STK32B: variants seen among roughly 807,000 people sequenced by gnomAD.
STK32B encodes serine/threonine kinase 32B, also known as serine/threonine-protein kinase 32B.
In STK32B, 43 loss-of-function variants were observed where a neutral mutation model predicts 52.6. The observed-to-expected ratio is 0.82, with a 90% CI of 0.64 to 1.05. The LOEUF (loss-of-function observed/expected upper bound fraction) is 1.05, where lower values mean the gene tolerates loss of function less well. Ranked by LOEUF, STK32B falls within the 50% of genes least tolerant of loss-of-function variation. The pLI is 0.00. For synonymous variants in STK32B, 238 were observed against 204.3 expected, an observed-to-expected ratio of 1.17 and a Z score of -1.41; for missense variants, 621 against 534.6, an observed-to-expected ratio of 1.16 and a Z score of -1.59.
chr4:5,043,737 C>A, the STK32B span, among the ~76,000 whole-genome samples: 4 of 152,228 alleles, frequency 2.6e-5, no homozygotes, highest in Admixed American at 2.0e-4. Flanking sequence ...GAGAAGCAGT[C>A]GGTGCACACG....
chr4:5,158,460 C>T (rs192129695), intron 2 of STK32B, among the ~76,000 whole-genome samples: 28 of 152,246 alleles, frequency 1.8e-4, no homozygotes, highest in African/African-American at 5.5e-4. Context: ...CTCCCCACCC[C>T]GAAGGCAAAT....
At chr4:5,143,960 C>T (rs760995204) in intron 2 of STK32B, among the ~76,000 whole-genome samples, 8 of 152,226 alleles carry the variant, frequency 5.3e-5, no homozygotes, top group Non-Finnish European at 1.2e-4. Context: ...AGCAAGTTCA[C>T]CATCTGTACC....
intron 3 of STK32B, among the ~76,000 whole-genome samples, chr4:5,245,352 T>C (rs1304774283): frequency 6.6e-6 from 1 of 152,214 alleles, no homozygotes; most frequent in African/African-American, 2.4e-5. Flanking sequence ...TTGTCTCTTT[T>C]GATCTTGGTT....
At chr4:5,144,611 C>T (rs952451971) in intron 2 of STK32B, among the ~76,000 whole-genome samples, 3 of 152,192 alleles carry the variant, frequency 2.0e-5, no homozygotes, top group African/African-American at 7.2e-5. Context: ...CCTGGCAAGA[C>T]TCATGATCTT....
rs1046250371 is a variant in STK32B, at chr4:5,380,272, C to T, written c.435-17935C>T. ...GAGCAACCCCATCCCCATGGCCACGCACACCCTGATCTATTTAATCCAGGC... is the reference window on the plus strand; with the variant it reads ...GAGCAACCCCATCCCCATGGCCACGTACACCCTGATCTATTTAATCCAGGC... On this transcript the variant is annotated intron_variant, in intron 4 of 11. Coordinates refer to ENST00000282908, the MANE Select transcript of STK32B (RefSeq NM_018401.3). The surrounding 1 kb of genome is among the most constrained non-coding windows in gnomAD (Gnocchi z 4.3). Among the ~76,000 whole-genome samples the T allele has an allele frequency of 3.3e-5, 5 of 152,164 alleles. No individual in the cohort carries two copies. The highest frequency in any genetic ancestry group is 1.2e-4 in the African/African-American group (5 of 41,432).
rs1380654486 is a variant in STK32B at position 5,423,181 on chromosome 4, A to C, written c.562+6247A>C. 2.6e-5 allele frequency among the ~76,000 whole-genome samples: 4 copies of C among 152,126 alleles called. No homozygotes were observed. The East Asian group carries it at 7.7e-4, about 29-fold the overall frequency. On this transcript the variant is annotated intron_variant, in intron 6 of 11. Transcript: ENST00000282908. Reference sequence around the variant, plus strand: ...GGTGGTGACCTTGGAGAAACCGATGAGTAACAGGAAAGCATTAGGGGTCAG... The same window carrying C: ...GGTGGTGACCTTGGAGAAACCGATGCGTAACAGGAAAGCATTAGGGGTCAG...
chr4:5,317,376 A>G (rs1731128367), intron 3 of STK32B, among the ~76,000 whole-genome samples: 1 of 91,530 alleles, frequency 1.1e-5, no homozygotes, highest in Non-Finnish European at 1.8e-5. Flanking sequence ...TATGTATTAT[A>G]TATATTACAT....
chr4:5,412,345 A>C (rs2109064749), intron 5 of STK32B, among the ~76,000 whole-genome samples: 1 of 152,280 alleles, frequency 6.6e-6, no homozygotes, highest in Middle Eastern at 3.4e-3. Context: ...TCACTTTCCT[A>C]CATCTTCGGT....
intron 1 of STK32B, among the ~76,000 whole-genome samples, chr4:5,098,886 T>C (rs1377689406): frequency 6.6e-6 from 1 of 152,240 alleles, no homozygotes; most frequent in Non-Finnish European, 1.5e-5. Flanking sequence ...TATTGGAATA[T>C]GTTGAGCACT....
At chr4:5,309,197 T>C in intron 3 of STK32B, among the ~76,000 whole-genome samples, 1 of 151,890 alleles carries the variant, frequency 6.6e-6, no homozygotes, top group Non-Finnish European at 1.5e-5. Flanking sequence ...AGGTGAAAGA[T>C]CTCTACAAGG....
chr4:5,440,130 A>G (rs1025700432), intron 6 of STK32B, among the ~76,000 whole-genome samples: 6 of 152,174 alleles, frequency 3.9e-5, no homozygotes, highest in Admixed American at 1.3e-4. Flanking sequence ...GTTTTTTCCA[A>G]TTCTGTGAAG....
chr4:5,203,639 C>G (rs1722328601), intron 3 of STK32B, among the ~76,000 whole-genome samples: 1 of 152,216 alleles, frequency 6.6e-6, no homozygotes, highest in Non-Finnish European at 1.5e-5. Context: ...GCCTACCATA[C>G]TGCCTGATAC....
At chr4:5,217,484 T>C (rs1024072206) in intron 3 of STK32B, among the ~76,000 whole-genome samples, 5 of 152,150 alleles carry the variant, frequency 3.3e-5, no homozygotes, top group African/African-American at 1.2e-4. Context: ...TCATTAGCAG[T>C]TTTTGGAGAA....
intron 1 of STK32B, among the ~76,000 whole-genome samples, chr4:5,139,089 A>C (rs531699120): frequency 1.3e-5 from 2 of 152,330 alleles, no homozygotes; most frequent in Admixed American, 1.3e-4. Context: ...CAGGAGACAG[A>C]AGATGGTGGA....
chr4:5,330,624 T>C (rs192172075), intron 3 of STK32B, among the ~76,000 whole-genome samples: 4 of 152,318 alleles, frequency 2.6e-5, no homozygotes, highest in Admixed American at 2.6e-4. Flanking sequence ...GTGCTGGCTG[T>C]CACTGGGAAC....
chr4:5,444,612 A>G (rs1025642054), intron 6 of STK32B, among the ~76,000 whole-genome samples: 1 of 152,148 alleles, frequency 6.6e-6, no homozygotes, highest in Admixed American at 6.5e-5. Flanking sequence ...CTATTCGGCC[A>G]TCTTGGCTCC....
intron 1 of STK32B, among the ~76,000 whole-genome samples, chr4:5,125,415 C>A (rs1364537170): frequency 6.6e-6 from 1 of 152,182 alleles, no homozygotes; most frequent in Non-Finnish European, 1.5e-5. Context: ...TGCAATAGGT[C>A]CCTCCAGCCC....
At chr4:5,313,985 T>TA (rs1730486473) in intron 3 of STK32B, among the ~76,000 whole-genome samples, 1 of 152,122 alleles carries the variant, frequency 6.6e-6, no homozygotes, top group South Asian at 2.1e-4. Flanking sequence ...TGCAACATAG[T>TA]AAAGATAACA....
At chr4:5,441,242 T>G (rs1366718185) in intron 6 of STK32B, among the ~76,000 whole-genome samples, 1 of 151,754 alleles carries the variant, frequency 6.6e-6, no homozygotes, top group Non-Finnish European at 1.5e-5. Context: ...TCCTGGACTC[T>G]TTTTGGTTGG....
Sources: gnomAD v4.1 joint callset for allele counts (sites outside exome capture counted in the v4.1 genomes callset) on GRCh38, gnomAD v4.1.1 for gene constraint, Gnocchi (gnomAD v3.1) non-coding constraint, MANE v1.5 for transcripts, NCBI Gene and HGNC (gene_info 2026-07-23, HGNC 2026-07-21) for gene names.